TMEM135: variants seen among roughly 807,000 people sequenced by gnomAD.
TMEM135 encodes the protein peroxisomal membrane protein 52.
TMEM135 carries 30 observed loss-of-function variants against 60.3 expected under a neutral mutation model. The observed-to-expected ratio is 0.50, with a 90% confidence interval of 0.37 to 0.68. TMEM135 has a LOEUF of 0.68. Among genes scored for constraint, TMEM135 ranks in the 30% least tolerant of loss-of-function variants. TMEM135 has a pLI of 0.00. For missense variants in TMEM135, 468 were observed against 548.8 expected (o/e 0.85, Z 1.47); for synonymous variants, 190 against 186.7 (o/e 1.02, Z -0.14).
chr11:87,189,637 G>T (rs950830505), intron 5 of TMEM135, among the ~76,000 whole-genome samples: 1 of 151,960 alleles, frequency 6.6e-6, no homozygotes, highest in African/African-American at 2.4e-5. Context: ...AAAAAAATTA[G>T]GGTAAGTACA....
chr11:87,113,703 TG>T (rs2135202427), intron 4 of TMEM135, among the ~76,000 whole-genome samples: 1 of 151,688 alleles, frequency 6.6e-6, no homozygotes, highest in South Asian at 2.1e-4. Flanking sequence ...TTTACTAGTC[TG>T]GGAAAGCTGA....
At chr11:87,060,060 C>T (rs1327064163) in intron 1 of TMEM135, among the ~76,000 whole-genome samples, 2 of 151,802 alleles carry the variant, frequency 1.3e-5, no homozygotes, top group East Asian at 1.9e-4. Flanking sequence ...TTGCTGTGGG[C>T]GGAGATCGCG....
chr11:87,224,759 GTTTT>G (rs11307183), intron 5 of TMEM135, among the ~76,000 whole-genome samples: 1 of 125,718 alleles, frequency 8.0e-6, no homozygotes, highest in Admixed American at 8.1e-5. Flanking sequence ...TGACATGTGA[GTTTT>G]TTTTTTTTTT....
chr11:87,263,153 A>G (rs770869759), intron 6 of TMEM135, among the ~76,000 whole-genome samples: 4 of 152,170 alleles, frequency 2.6e-5, no homozygotes, highest in Admixed American at 6.6e-5. Context: ...AGAGAGGTGT[A>G]TGTGGTCCTA....
At chr11:87,046,904 C>T (rs1435298781) in intron 1 of TMEM135, among the ~76,000 whole-genome samples, 2 of 152,124 alleles carry the variant, frequency 1.3e-5, no homozygotes, top group African/African-American at 2.4e-5. Context: ...TCAGTCCTGC[C>T]ACTTACTGGC....
At chr11:87,208,533 A>G (rs1430405973) in intron 5 of TMEM135, among the ~76,000 whole-genome samples, 1 of 152,206 alleles carries the variant, frequency 6.6e-6, no homozygotes, top group Non-Finnish European at 1.5e-5. Context: ...ATTTTAAAAA[A>G]CAACACCTCT....
chr11:87,239,192 T>C lies in TMEM135; in HGVS notation c.509+2508T>C, dbSNP rs1297771697. On this transcript the variant is annotated intron_variant, in intron 6 of 14. Coordinates refer to ENST00000305494, the MANE Select transcript of TMEM135 (RefSeq NM_022918.4). The stretch of plus-strand genomic sequence containing the variant: ...TTAAAAACAACAGTTTAAAATACTT[T>C]CCAGAAGGCTCAATACAAGGTTTAA... Among the ~76,000 whole-genome samples the C allele has an allele frequency of 3.9e-5, 6 of 152,172 alleles. No homozygotes were observed. The East Asian group carries it at 7.7e-4, about 20-fold the overall frequency.
intron 5 of TMEM135, among the ~76,000 whole-genome samples, chr11:87,236,410 T>G (rs1940996691): frequency 6.6e-6 from 1 of 151,934 alleles, no homozygotes; most frequent in Non-Finnish European, 1.5e-5. Context: ...GTTTACAAAT[T>G]TTGTTGGACC....
chr11:87,272,403 G>C (rs1264179626), intron 6 of TMEM135, among the ~76,000 whole-genome samples: 1 of 151,964 alleles, frequency 6.6e-6, no homozygotes. Context: ...GAAGATGTAA[G>C]ATGACCTCTG....
At chr11:87,068,236 A>G (rs983489258) in intron 2 of TMEM135, among the ~76,000 whole-genome samples, 1 of 152,188 alleles carries the variant, frequency 6.6e-6, no homozygotes, top group Non-Finnish European at 1.5e-5. Flanking sequence ...GTAAAACAGT[A>G]AGTTAACTCC....
rs957818085 is a variant in TMEM135 at position 87,067,807 on chromosome 11, C to T, written c.255C>T (p.Phe85=). ...LTANGALYMA[F]FCILRKILGK... The stretch of plus-strand genomic sequence containing the variant: ...CTAATGGGGCCTTGTATATGGCTTT[C>T]TTTTGCATTTTAAGGTTGGTACTCA... Residue 85 remains phenylalanine, a synonymous_variant, in exon 2 of 15, where the codon TTC becomes TTT. Coordinates refer to ENST00000305494, the MANE Select transcript of TMEM135 (RefSeq NM_022918.4). 1 of 1,613,734 alleles carries T rather than the reference C, an allele frequency of 6.2e-7. No homozygotes were observed. The highest frequency in any genetic ancestry group is 1.7e-5 in the Admixed American group (1 of 60,020).
At chr11:87,185,245 C>T (rs1807031370) in intron 5 of TMEM135, among the ~76,000 whole-genome samples, 1 of 152,086 alleles carries the variant, frequency 6.6e-6, no homozygotes, top group Non-Finnish European at 1.5e-5. Flanking sequence ...CACATTTTCC[C>T]AGTCACCTCT....
intron 5 of TMEM135, among the ~76,000 whole-genome samples, chr11:87,163,546 T>C (rs1227830586): frequency 6.6e-5 from 10 of 152,170 alleles, no homozygotes; most frequent in Non-Finnish European, 1.5e-4. Flanking sequence ...CCTTTGGGTA[T>C]GTACCCAGTA....
chr11:87,055,402 C>A (rs1347772694), intron 1 of TMEM135, among the ~76,000 whole-genome samples: 1 of 152,168 alleles, frequency 6.6e-6, no homozygotes, highest in Non-Finnish European at 1.5e-5. Context: ...CCTACAAACA[C>A]CTCGATTAAC....
At chr11:87,080,168 GTT>G (rs35717116) in intron 3 of TMEM135, among the ~76,000 whole-genome samples, 5 of 128,332 alleles carry the variant, frequency 3.9e-5, no homozygotes, top group African/African-American at 2.9e-5. Flanking sequence ...TGTTTGCAGT[GTT>G]TTTTTTTTTT....
chr11:87,079,950 T>A (rs1391536650), intron 3 of TMEM135, among the ~76,000 whole-genome samples: 3 of 150,672 alleles, frequency 2.0e-5, no homozygotes, highest in Non-Finnish European at 4.4e-5. Flanking sequence ...CAAGCGATTC[T>A]CCTGCCTCAG....
intron 3 of TMEM135, among the ~76,000 whole-genome samples, chr11:87,072,542 G>A (rs949580764): frequency 5.1e-4 from 77 of 151,850 alleles, no homozygotes; most frequent in African/African-American, 1.8e-3. Flanking sequence ...CACCATGCCC[G>A]GCTAGTTTTT....
intron 4 of TMEM135, among the ~76,000 whole-genome samples, chr11:87,122,405 C>T (rs1937616528): frequency 6.8e-6 from 1 of 146,176 alleles, no homozygotes; most frequent in African/African-American, 2.5e-5. Context: ...TAAAAATCTC[C>T]AGAGTTTTTG....
intron 7 of TMEM135, among the ~76,000 whole-genome samples, chr11:87,298,437 A>T (rs1942385921): frequency 6.6e-6 from 1 of 152,202 alleles, no homozygotes; most frequent in South Asian, 2.1e-4. Context: ...AATATTTACA[A>T]AGTACTCCAG....
Sources: gnomAD v4.1 joint callset for allele counts (sites outside exome capture counted in the v4.1 genomes callset) on GRCh38, gnomAD v4.1.1 for gene constraint, MANE v1.5 for transcripts, NCBI Gene and HGNC (gene_info 2026-07-23, HGNC 2026-07-21) for gene names.